The following RFX2 variants were observed in gnomAD, a reference collection of about 807,000 sequenced individuals.
The protein encoded by RFX2 is regulatory factor X2.
A neutral mutation model predicts 87.8 loss-of-function variants in RFX2; 20 were observed. The observed-to-expected ratio is 0.23, with a 90% CI of 0.16 to 0.33. RFX2 has a LOEUF of 0.33. Ranked by LOEUF, RFX2 falls within the 10% of genes least tolerant of loss-of-function variation. RFX2 has a pLI of 1.00. For missense variants in RFX2, 767 were observed against 1,012.3 expected (o/e 0.76, Z 3.29); for synonymous variants, 397 against 431.3 (o/e 0.92, Z 0.98).
At chr19:6,065,003 C>G (rs896720805) in intron 1 of RFX2, among the ~76,000 whole-genome samples, 1 of 151,914 alleles carries the variant, frequency 6.6e-6, no homozygotes, top group African/African-American at 2.4e-5. Flanking sequence ...AATTGCAAAG[C>G]CTGATATATG....
At chr19:6,067,431 C>G (rs1265333475) in intron 1 of RFX2, among the ~76,000 whole-genome samples, 1 of 152,156 alleles carries the variant, frequency 6.6e-6, no homozygotes, top group African/African-American at 2.4e-5. Context: ...CTCTTCCCTC[C>G]CTACCCGGAG....
chr19:6,100,965 C>G (rs1022226214), intron 1 of RFX2, among the ~76,000 whole-genome samples: 1 of 151,860 alleles, frequency 6.6e-6, no homozygotes, highest in Non-Finnish European at 1.5e-5. Context: ...GTAAAAATAC[C>G]AGGATTTACA....
At chr19:6,054,579 T>C (rs915720199) in intron 1 of RFX2, among the ~76,000 whole-genome samples, 12 of 152,214 alleles carry the variant, frequency 7.9e-5, no homozygotes, top group Admixed American at 7.2e-4. Context: ...TCAGCTCTTT[T>C]CTTCCTCAAC....
At chr19:6,080,734 G>A (rs2087769056) in intron 1 of RFX2, among the ~76,000 whole-genome samples, 1 of 152,166 alleles carries the variant, frequency 6.6e-6, no homozygotes, top group African/African-American at 2.4e-5. Context: ...CAGATGTCTG[G>A]AGTTTTAAAA....
chr19:6,084,145 C>T (rs907903698), intron 1 of RFX2, among the ~76,000 whole-genome samples: 9 of 152,082 alleles, frequency 5.9e-5, no homozygotes, highest in African/African-American at 1.9e-4. Context: ...CCCAGTTAAG[C>T]GCATGGAAAC....
chr19:6,066,375 CTT>C (rs1373336751), intron 1 of RFX2, among the ~76,000 whole-genome samples: 1 of 152,168 alleles, frequency 6.6e-6, no homozygotes, highest in Non-Finnish European at 1.5e-5. Context: ...GGGCTCAACT[CTT>C]TGCTCTTCTG....
Position 6,045,829 on chromosome 19 carries a change from G to A in RFX2, c.91-1547C>T, listed in dbSNP as rs2087181777. On this transcript the variant is annotated intron_variant, in intron 2 of 17. Transcript: ENST00000303657. This position sits in a 1 kb window ranked among gnomAD's most constrained non-coding sequence, Gnocchi z 5.2. ...TGGGATTACAAGCATGTGCCACAAT[G>A]CTCGGCTAATTTATTATTATTATTA... 3.9e-5 allele frequency among the ~76,000 whole-genome samples: 6 copies of A among 152,020 alleles called. No individual in the cohort carries two copies. Among genetic ancestry groups the A allele is most frequent in the African/African-American group, 9.7e-5 (4 of 41,364 alleles).
Position 6,004,122 on chromosome 19 carries a change from C to T in RFX2, c.1500+79G>A, listed in dbSNP as rs1220925475. The T allele has an allele frequency of 3.2e-5, 35 of 1,080,484 alleles. No homozygotes were observed. Among genetic ancestry groups the T allele is most frequent in the Non-Finnish European group, 4.5e-5 (31 of 695,566 alleles). The allele number at this position is 1,080,484 out of a possible 1,614,324, so 66.9% of individuals were successfully genotyped here. A position where few individuals can be genotyped will look rare whatever the true frequency, so the allele number is the denominator to read the frequency against. On this transcript the variant is annotated intron_variant, in intron 13 of 17. Coordinates refer to ENST00000303657, the MANE Select transcript of RFX2 (RefSeq NM_000635.4). This position sits in a 1 kb window ranked among gnomAD's most constrained non-coding sequence, Gnocchi z 4.8. ...GGGAAGAAGCCAGCGCTCTCTGGGA[C>T]ACAGTGGTCCTCATGCTGTCCTGGA...
intron 1 of RFX2, among the ~76,000 whole-genome samples, chr19:6,096,169 A>G (rs2088020147): frequency 6.6e-6 from 1 of 152,240 alleles, no homozygotes. Context: ...AAATAATGGC[A>G]CTTGCGCCAA....
intron 1 of RFX2, among the ~76,000 whole-genome samples, chr19:6,096,423 T>C (rs1320510947): frequency 6.9e-6 from 1 of 144,828 alleles, no homozygotes; most frequent in African/African-American, 2.9e-5. Context: ...CACACTCTCG[T>C]TTTTGTTTTT....
chr19:6,060,671 C>T (rs1417440056), intron 1 of RFX2, among the ~76,000 whole-genome samples: 2 of 152,094 alleles, frequency 1.3e-5, no homozygotes, highest in Non-Finnish European at 2.9e-5. Context: ...TTTCGGGCCT[C>T]CTCTGAACTT....
intron 1 of RFX2, among the ~76,000 whole-genome samples, chr19:6,081,220 G>C (rs1368419481): frequency 2.6e-5 from 4 of 152,168 alleles, no homozygotes; most frequent in Non-Finnish European, 4.4e-5. Flanking sequence ...TAATAAGTCT[G>C]CTTCCCGGCC....
At chr19:6,059,876 T>G (rs2087403252) in intron 1 of RFX2, among the ~76,000 whole-genome samples, 1 of 152,100 alleles carries the variant, frequency 6.6e-6, no homozygotes, top group Non-Finnish European at 1.5e-5. Flanking sequence ...GACACGTCAT[T>G]TTCTTACTCC....
In RFX2 at chr19:6,061,211, C is replaced by T. The variant is rs953833436; in HGVS notation, c.-8-13707G>A. 6.6e-6 allele frequency among the ~76,000 whole-genome samples: 1 copy of T among 152,190 alleles called. No homozygotes were observed. The highest frequency in any genetic ancestry group is 2.4e-5 in the African/African-American group (1 of 41,440). ...TACCTGGAACCACCACATCCGCCTC[C>T]TAATTGGTCTCCCTGCTTCCAGCCT... On this transcript the variant is annotated intron_variant, in intron 1 of 17. Transcript: ENST00000303657. This position sits in a 1 kb window ranked among gnomAD's most constrained non-coding sequence, Gnocchi z 5.2.
chr19:6,102,471 C>A (rs1450741101), intron 1 of RFX2, among the ~76,000 whole-genome samples: 1 of 152,214 alleles, frequency 6.6e-6, no homozygotes, highest in Non-Finnish European at 1.5e-5. Flanking sequence ...GACTGGACAC[C>A]TTTGATCTGA....
In RFX2 at chr19:5,994,636, G is replaced by T; in HGVS notation, c.*199C>A. The T allele has an allele frequency of 1.7e-6, 1 of 584,360 alleles. No individual in the cohort carries two copies. The highest frequency in any genetic ancestry group is 3.1e-6 in the Non-Finnish European group (1 of 326,210). The allele number at this position is 584,360 out of a possible 1,614,324, so 36.2% of individuals were successfully genotyped here. ...GGGACCCAGAGCACAGCTACAGCCAGTGGGAGCCCTGGCCTGGGCTTCTGT... is the reference window on the plus strand; with the variant it reads ...GGGACCCAGAGCACAGCTACAGCCATTGGGAGCCCTGGCCTGGGCTTCTGT... On this transcript the variant is annotated 3_prime_UTR_variant, in exon 18 of 18. Transcript: ENST00000303657.
In RFX2 at chr19:6,039,893, C is replaced by T. The variant is rs942366314; in HGVS notation, c.522+87G>A. 2.9e-5 allele frequency: 41 copies of T among 1,421,610 alleles called. No individual in the cohort carries two copies. The highest frequency in any genetic ancestry group is 7.5e-5 in the South Asian group (5 of 67,062). The allele number at this position is 1,421,610 out of a possible 1,614,324, so 88.1% of individuals were successfully genotyped here. A position where few individuals can be genotyped will look rare whatever the true frequency, so the allele number is the denominator to read the frequency against. Reference sequence around the variant, plus strand: ...GCAGACGACAGCCCCTCCGGGCCTCCGGCTGCCTCTTACTCACCATCCCTG... The same window carrying T: ...GCAGACGACAGCCCCTCCGGGCCTCTGGCTGCCTCTTACTCACCATCCCTG... On this transcript the variant is annotated intron_variant, in intron 5 of 17. Transcript: ENST00000303657. The surrounding 1 kb of genome is among the most constrained non-coding windows in gnomAD (Gnocchi z 5.2).
At chr19:6,014,328 CA>C (rs2086696807) in intron 7 of RFX2, among the ~76,000 whole-genome samples, 1 of 152,140 alleles carries the variant, frequency 6.6e-6, no homozygotes, top group East Asian at 1.9e-4. Context: ...CCCTCTCTCC[CA>C]GGTTCAAGAA....
chr19:6,044,392 T>A lies in RFX2; in HGVS notation c.91-110A>T. ...TGTTCATGTGCTTTTTATTAAAACA[T>A]AGGCAGGACTGATCAGAGGCGACGG... On this transcript the variant is annotated intron_variant, in intron 2 of 17. Transcript: ENST00000303657. The surrounding 1 kb of genome is among the most constrained non-coding windows in gnomAD (Gnocchi z 5.3). 1 of 700,040 alleles carries A rather than the reference T, an allele frequency of 1.4e-6. No homozygotes were observed. Among genetic ancestry groups the A allele is most frequent in the South Asian group, 3.1e-5 (1 of 32,356 alleles). 43.4% of individuals were successfully genotyped at this position (700,040 alleles called of 1,614,324 possible).
Sources: gnomAD v4.1 joint callset for allele counts (sites outside exome capture counted in the v4.1 genomes callset) on GRCh38, gnomAD v4.1.1 for gene constraint, Gnocchi (gnomAD v3.1) non-coding constraint, MANE v1.5 for transcripts, NCBI Gene and HGNC (gene_info 2026-07-23, HGNC 2026-07-21) for gene names.